Variants in ZFYVE9 observed in about 807,000 individuals in gnomAD.
ZFYVE9 encodes zinc finger FYVE domain-containing protein 9.
ZFYVE9 carries 43 observed loss-of-function variants against 126.7 expected under a neutral mutation model. The ratio of observed to expected loss-of-function variants is 0.34; its 90% CI spans 0.27 to 0.44. The LOEUF (loss-of-function observed/expected upper bound fraction) is 0.44. ZFYVE9 is among the 20% of genes least tolerant of loss of function. The pLI is 1.00. For synonymous variants in ZFYVE9, 521 were observed against 597.4 expected, an observed-to-expected ratio of 0.87 and a Z score of 1.87; for missense variants, 1,476 against 1,697.0, an observed-to-expected ratio of 0.87 and a Z score of 2.29.
At chr1:52,205,735 C>T (rs557320188) in intron 1 of ZFYVE9, among the ~76,000 whole-genome samples, 208 of 152,014 alleles carry the variant, frequency 1.4e-3, no homozygotes, top group African/African-American at 4.8e-3. Context: ...CTTTGTTGTT[C>T]GGATAGAATA....
At position 52,281,830 on chromosome 1, in the gene ZFYVE9, A is replaced by G. The variant is rs756072004; in HGVS notation, c.3025+14A>G. ...ATGCTCTGGCAGGTAGGAATGCTTT[A>G]TGACTTAGTCTGCTCCCTTTGTAGA... is the stretch of plus-strand genomic sequence containing the variant. On this transcript the variant is annotated intron_variant, in intron 10 of 18. Transcript: ENST00000287727. 1.2e-6 allele frequency: 2 copies of G among 1,614,056 alleles called. No homozygotes were observed. The highest frequency in any genetic ancestry group is 1.3e-5 in the African/African-American group (1 of 75,068).
At chr1:52,164,986 GAA>G (rs1644499687) in intron 1 of ZFYVE9, among the ~76,000 whole-genome samples, 1 of 152,252 alleles carries the variant, frequency 6.6e-6, no homozygotes, top group South Asian at 2.1e-4. Context: ...TTGGGAAGAT[GAA>G]AAATTTCTGA....
chr1:52,279,042 C>G (rs1645776839), intron 9 of ZFYVE9, among the ~76,000 whole-genome samples: 1 of 151,922 alleles, frequency 6.6e-6, no homozygotes, highest in Non-Finnish European at 1.5e-5. Context: ...CCTGGCCTAG[C>G]CACATCTTAC....
intron 4 of ZFYVE9, among the ~76,000 whole-genome samples, chr1:52,251,357 G>A (rs940514018): frequency 6.6e-6 from 1 of 152,078 alleles, no homozygotes; most frequent in Admixed American, 6.6e-5. Flanking sequence ...ATTATGCTGA[G>A]ATAATTTACT....
At position 52,310,498 on chromosome 1, in the gene ZFYVE9, G is replaced by A. The variant is rs568944760; in HGVS notation, c.3438+6573G>A. The stretch of plus-strand genomic sequence containing the variant: ...GTGGGAGGATCACTTGAACCCAGGA[G>A]GTGGAGGCCAGCCTAGGCAACATAG... On this transcript the variant is annotated intron_variant, in intron 13 of 18. Coordinates refer to ENST00000287727, the MANE Select transcript of ZFYVE9 (RefSeq NM_004799.4). 3.3e-5 allele frequency among the ~76,000 whole-genome samples: 5 copies of A among 152,124 alleles called. No individual in the cohort carries two copies. The South Asian group carries it at 1.0e-3, about 32-fold the overall frequency.
chr1:52,160,362 CT>C (rs2124510139), intron 1 of ZFYVE9: 1 of 1,164,278 alleles, frequency 8.6e-7, no homozygotes, highest in Non-Finnish European at 1.3e-6. Flanking sequence ...AATTCATCAA[CT>C]TTTATCTTTT....
At chr1:52,316,876 G>A (rs1646190569) in intron 13 of ZFYVE9, among the ~76,000 whole-genome samples, 2 of 152,190 alleles carry the variant, frequency 1.3e-5, no homozygotes, top group South Asian at 4.1e-4. Flanking sequence ...CCGCACAACA[G>A]CATCAGAATG....
chr1:52,232,735 A>G (rs1377333718), intron 2 of ZFYVE9, among the ~76,000 whole-genome samples: 1 of 150,364 alleles, frequency 6.7e-6, no homozygotes, highest in Non-Finnish European at 1.5e-5. Context: ...TCTCAAAAAA[A>G]AAAAAAAAAA....
intron 1 of ZFYVE9, among the ~76,000 whole-genome samples, chr1:52,161,041 TA>T (rs888504109): frequency 1.4e-4 from 21 of 152,296 alleles, no homozygotes; most frequent in African/African-American, 5.1e-4. Flanking sequence ...CTTTTTATTT[TA>T]TTTTTTCAAA....
At chr1:52,145,596 T>G (rs1198495044) in intron 1 of ZFYVE9, among the ~76,000 whole-genome samples, 1 of 152,142 alleles carries the variant, frequency 6.6e-6, no homozygotes, top group East Asian at 1.9e-4. Context: ...CTACCCCTCC[T>G]AGCAAAGTAG....
intron 7 of ZFYVE9, among the ~76,000 whole-genome samples, chr1:52,269,941 C>T (rs1448652363): frequency 6.6e-6 from 1 of 152,054 alleles, no homozygotes; most frequent in Non-Finnish European, 1.5e-5. Flanking sequence ...GCAAGCCTGG[C>T]CACAACTGTT....
In ZFYVE9 at chr1:52,238,165, G is replaced by A. The variant is rs748435047; in HGVS notation, c.748G>A (p.Gly250Arg). The change falls in exon 4 of 19, where the codon GGA becomes AGA. Residue 250 changes from glycine (G) to arginine (R), a missense_variant. Coordinates refer to ENST00000287727, the MANE Select transcript of ZFYVE9 (RefSeq NM_004799.4). ...TTCCCCTTCACAATTAAAGGATGACGGAAGTATAGGTAGAGACCCCTCCAT... is the reference window on the plus strand; with the variant it reads ...TTCCCCTTCACAATTAAAGGATGACAGAAGTATAGGTAGAGACCCCTCCAT... The part of the protein sequence containing the change: ...VCSPSQLKDD[G>R]SIGRDPSMSA... The A allele has an allele frequency of 5.6e-6, 9 of 1,613,936 alleles. No individual in the cohort carries two copies. The highest frequency in any genetic ancestry group is 4.5e-5 in the East Asian group (2 of 44,894).
chr1:52,297,799 T>G (rs980626971), intron 12 of ZFYVE9, among the ~76,000 whole-genome samples: 1 of 152,096 alleles, frequency 6.6e-6, no homozygotes, highest in African/African-American at 2.4e-5. Context: ...CTCGGCTCAC[T>G]GCAACCTCCA....
intron 1 of ZFYVE9, among the ~76,000 whole-genome samples, chr1:52,183,209 TG>T (rs1644731164): frequency 6.6e-6 from 1 of 152,192 alleles, no homozygotes; most frequent in Admixed American, 6.5e-5. Flanking sequence ...AGGGAAAGGT[TG>T]AAAAGACAGA....
At chr1:52,179,252 A>G (rs1644672187) in intron 1 of ZFYVE9, among the ~76,000 whole-genome samples, 1 of 152,224 alleles carries the variant, frequency 6.6e-6, no homozygotes, top group South Asian at 2.1e-4. Context: ...GGAGTAGTTA[A>G]AGCCACAAGG....
intron 1 of ZFYVE9, among the ~76,000 whole-genome samples, chr1:52,170,868 C>G (rs977357792): frequency 6.6e-6 from 1 of 151,884 alleles, no homozygotes. Context: ...GTTTTGTGAC[C>G]GAACATATGG....
intron 5 of ZFYVE9, chr1:52,264,167 A>G (rs1645611221): frequency 5.3e-6 from 1 of 187,422 alleles, no homozygotes; most frequent in African/African-American, 2.4e-5. Flanking sequence ...AAATAACCAG[A>G]GTGAGGTGGG....
intron 1 of ZFYVE9, among the ~76,000 whole-genome samples, chr1:52,175,706 T>G (rs2124531180): frequency 6.6e-6 from 1 of 152,286 alleles, no homozygotes; most frequent in Middle Eastern, 3.4e-3. Flanking sequence ...GTTCGTTTCT[T>G]TTTATTCTTT....
intron 2 of ZFYVE9, among the ~76,000 whole-genome samples, chr1:52,219,294 T>C (rs1288374101): frequency 6.6e-6 from 1 of 152,096 alleles, no homozygotes; most frequent in African/African-American, 2.4e-5. Context: ...TAAGGTGTCC[T>C]TGGGTAGCTA....
Sources: gnomAD v4.1 joint callset for allele counts (sites outside exome capture counted in the v4.1 genomes callset) on GRCh38, gnomAD v4.1.1 for gene constraint, MANE v1.5 for transcripts, NCBI Gene and HGNC (gene_info 2026-07-23, HGNC 2026-07-21) for gene names.